The following CALB1 variants were observed in gnomAD, a reference collection of about 807,000 sequenced individuals.
The protein encoded by CALB1 is calbindin.
CALB1 carries 16 observed loss-of-function variants against 46.7 expected under a neutral mutation model. That is an observed-to-expected ratio of 0.34 (90% confidence interval 0.23 to 0.52). CALB1 has a LOEUF of 0.52. Ranked by LOEUF, CALB1 falls within the 20% of genes least tolerant of loss-of-function variation. The probability of loss-of-function intolerance (pLI) is 0.95; values close to 1 mark genes in which losing one functional copy is unlikely to be tolerated. For synonymous variants in CALB1, 90 were observed against 112.8 expected (o/e 0.80, Z 1.28); for missense variants, 224 against 300.3 (o/e 0.75, Z 1.88).
intron 3 of CALB1, among the ~76,000 whole-genome samples, chr8:90,077,062 T>C (rs1814634856): frequency 6.6e-6 from 1 of 152,068 alleles, no homozygotes; most frequent in Non-Finnish European, 1.5e-5. Context: ...ATTTCACTGA[T>C]GTCATATTTC....
intron 2 of CALB1, among the ~76,000 whole-genome samples, chr8:90,080,471 C>T (rs1372689201): frequency 6.6e-6 from 1 of 151,768 alleles, no homozygotes; most frequent in South Asian, 2.1e-4. Context: ...AAGACTTTTC[C>T]AACCTGATTT....
At position 90,078,268 on chromosome 8, in the gene CALB1, A is replaced by T. The variant is rs988973548; in HGVS notation, c.231+105T>A. Reference sequence around the variant, plus strand: ...GATAATGTATTACTTAGGTAAAATAAACTGTACTGAATGGGTCTTGCTATA... The same window carrying T: ...GATAATGTATTACTTAGGTAAAATATACTGTACTGAATGGGTCTTGCTATA... On this transcript the variant is annotated intron_variant, in intron 3 of 10. Coordinates refer to ENST00000265431, the MANE Select transcript of CALB1 (RefSeq NM_004929.4). 4.4e-6 allele frequency: 3 copies of T among 679,190 alleles called. No homozygotes were observed. The African/African-American group carries it at 5.7e-5, about 13-fold the overall frequency. The allele number at this position is 679,190 out of a possible 1,614,324, so 42.1% of individuals were successfully genotyped here. A position where few individuals can be genotyped will look rare whatever the true frequency, so the allele number is the denominator to read the frequency against.
intron 1 of CALB1, 69 bp downstream of exon 1, chr8:90,082,549 AG>A (rs1348211190): frequency 7.1e-6 from 9 of 1,273,298 alleles, no homozygotes; most frequent in Non-Finnish European, 3.5e-6. Context: ...CAGGAGGCTC[AG>A]AAAAGGGCAA....
intron 3 of CALB1, among the ~76,000 whole-genome samples, chr8:90,076,575 AG>A (rs1402121746): frequency 2.0e-5 from 3 of 151,982 alleles, no homozygotes; most frequent in Non-Finnish European, 2.9e-5. Flanking sequence ...TTGCTATAAA[AG>A]CTTCTCACTT....
intron 5 of CALB1, among the ~76,000 whole-genome samples, chr8:90,067,545 G>A (rs1814423970): frequency 6.6e-6 from 1 of 152,144 alleles, no homozygotes; most frequent in Admixed American, 6.5e-5. Context: ...ACTGTTTTCA[G>A]TGACTTCACA....
chr8:90,063,193 C>T, intron 8 of CALB1, 40 bp from the exon 9 acceptor site: 1 of 1,547,432 alleles, frequency 6.5e-7, no homozygotes, highest in Non-Finnish European at 8.9e-7. Context: ...AATGTTATTA[C>T]TATGTTTCAG....
intron 3 of CALB1, among the ~76,000 whole-genome samples, chr8:90,076,420 T>G (rs944160486): frequency 2.6e-5 from 4 of 152,094 alleles, no homozygotes; most frequent in African/African-American, 9.7e-5. Context: ...TATTGAAGCT[T>G]CACATGCTAT....
At chr8:90,074,757 A>G (rs991191125) in intron 3 of CALB1, among the ~76,000 whole-genome samples, 2 of 152,146 alleles carry the variant, frequency 1.3e-5, no homozygotes, top group African/African-American at 4.8e-5. Flanking sequence ...CTGTTTTTCA[A>G]TGGATGCACT....
chr8:90,068,570 C>T (rs940250777), intron 5 of CALB1, among the ~76,000 whole-genome samples: 12 of 152,238 alleles, frequency 7.9e-5, no homozygotes, highest in African/African-American at 2.9e-4. Flanking sequence ...TGTCATACAA[C>T]TTACGCAAAG....
intron 6 of CALB1, 100 bp from the exon 7 acceptor site, chr8:90,063,561 G>C (rs1224716818): frequency 3.2e-6 from 3 of 927,000 alleles, no homozygotes; most frequent in Non-Finnish European, 5.0e-6. Context: ...TCAACTACTT[G>C]TATATATGCA....
chr8:90,071,316 T>C (rs2130238918), intron 3 of CALB1, among the ~76,000 whole-genome samples: 1 of 152,270 alleles, frequency 6.6e-6, no homozygotes, highest in South Asian at 2.1e-4. Flanking sequence ...AGTGGGCTCC[T>C]AGTGGAAAGT....
chr8:90,072,294 A>G (rs967719570), intron 3 of CALB1, among the ~76,000 whole-genome samples: 1 of 152,228 alleles, frequency 6.6e-6, no homozygotes, highest in Non-Finnish European at 1.5e-5. Context: ...GGTCTCCTGA[A>G]TGTCAGATAC....
rs1185454527 is a variant in CALB1, at chr8:90,060,685, T to C, written c.616A>G (p.Ile206Val). The change falls in exon 10 of 11, where the codon ATA (isoleucine) becomes GTA (valine). Residue 206 changes from isoleucine (I) to valine (V), a missense_variant. By Grantham distance (29) the Ile-to-Val change is conservative. Transcript: ENST00000265431. ...AAAGCATCCAGTTCATTTTCATCTA[T>C]GTATCCATTGCCGTCCTGGGGGAGG... ...ELYDQDGNGY[I>V]DENELDALLK... is the part of the protein sequence containing the mutation. The C allele has an allele frequency of 1.2e-6, 2 of 1,613,422 alleles. No homozygotes were observed.
intron 6 of CALB1, 139 bp downstream of exon 6, chr8:90,065,759 T>C: frequency 1.7e-6 from 1 of 602,766 alleles, no homozygotes; most frequent in Non-Finnish European, 3.0e-6. Context: ...ATTTCACTTT[T>C]CAAATGAAAT....
intron 9 of CALB1, chr8:90,061,668 T>C (rs577599197): frequency 3.3e-5 from 5 of 152,122 alleles, no homozygotes; most frequent in Admixed American, 2.0e-4. Context: ...GAAAAACTTA[T>C]ACACTAAAAA....
chr8:90,063,114 C>T lies in CALB1; in HGVS notation c.586G>A (p.Glu196Lys). The change falls in exon 9 of 11, where the codon GAG becomes AAG. Residue 196 changes from glutamate (E) to lysine (K), a missense_variant. Physicochemically the swap from Glu to Lys is moderately conservative, Grantham distance 56 (BLOSUM62 1). Transcript: ENST00000265431. The part of the protein sequence containing the change: ...MCGKEFNKAF[E>K]LYDQDGNGYI... ...CAAACTTTTACCTGATCATACAGCT[C>T]AAAAGCCTTATTGAACTCTTTCCCA... The T allele has an allele frequency of 6.2e-7, 1 of 1,608,368 alleles. No homozygotes were observed. Among genetic ancestry groups the T allele is most frequent in the Non-Finnish European group, 8.5e-7 (1 of 1,175,952 alleles).
intron 3 of CALB1, among the ~76,000 whole-genome samples, chr8:90,073,660 C>T (rs1290973986): frequency 2.6e-5 from 4 of 152,188 alleles, no homozygotes; most frequent in Non-Finnish European, 4.4e-5. Flanking sequence ...CTTTACATCT[C>T]TCTTTTATTT....
In CALB1 at chr8:90,077,465, T is replaced by C. The variant is rs377096694; in HGVS notation, c.231+908A>G. On this transcript the variant is annotated intron_variant, in intron 3 of 10. Coordinates refer to ENST00000265431, the MANE Select transcript of CALB1 (RefSeq NM_004929.4). ...CAGAATACTTCACAATCTAATACAC[T>C]GAGAAACACTATATAAATAACATAA... is the stretch of plus-strand genomic sequence containing the variant. Among the ~76,000 whole-genome samples, 5 of 152,168 alleles carry C rather than the reference T, an allele frequency of 3.3e-5. No homozygotes were observed. In the South Asian group the frequency reaches 1.0e-3, roughly 32 times the overall value.
At chr8:90,068,913 G>T in intron 5 of CALB1, 85 bp downstream of exon 5, 1 of 904,848 alleles carries the variant, frequency 1.1e-6, no homozygotes, top group Non-Finnish European at 1.7e-6. Context: ...TTTCTTTTGT[G>T]GGAGGTTTTT....
Sources: allele counts gnomAD v4.1 joint callset (sites outside exome capture counted in the v4.1 genomes callset), GRCh38; gene constraint gnomAD v4.1.1; transcripts MANE v1.5; gene names NCBI Gene and HGNC (gene_info 2026-07-23, HGNC 2026-07-21).